Variants in MOB2 observed in about 807,000 individuals in gnomAD.
The protein encoded by MOB2 is MOB2 Mps One Binder homolog.
A neutral mutation model predicts 27.4 loss-of-function variants in MOB2; 14 were observed. The observed-to-expected ratio is 0.51, with a 90% confidence interval of 0.34 to 0.80. MOB2 has a LOEUF of 0.80. Ranked by LOEUF, MOB2 falls within the 30% of genes least tolerant of loss-of-function variation. The pLI, the probability that MOB2 is intolerant of heterozygous loss-of-function variation, is 0.01. For synonymous variants in MOB2, 167 were observed against 151.8 expected, an observed-to-expected ratio of 1.10 and a Z score of -0.74; for missense variants, 304 against 354.6, an observed-to-expected ratio of 0.86 and a Z score of 1.15.
intron 1 of MOB2, among the ~76,000 whole-genome samples, chr11:1,482,167 G>A (rs1039192736): frequency 6.6e-6 from 1 of 152,238 alleles, no homozygotes; most frequent in East Asian, 1.9e-4. Flanking sequence ...ATTTGGAGGG[G>A]TGGGTTGCAG....
chr11:1,472,861 G>C (rs1382474989), intron 3 of MOB2: 1 of 154,910 alleles, frequency 6.5e-6, no homozygotes, highest in Non-Finnish European at 1.4e-5. Flanking sequence ...CGGGCACAGG[G>C]CCTCCAGCAT....
intron 1 of MOB2, among the ~76,000 whole-genome samples, chr11:1,482,281 C>T (rs778250712): frequency 3.9e-5 from 6 of 152,250 alleles, no homozygotes; most frequent in Non-Finnish European, 8.8e-5. Flanking sequence ...TGGTCGGTCA[C>T]GCAGGGCTGC....
At chr11:1,480,626 G>A in intron 2 of MOB2, 99 bp downstream of exon 2, 1 of 1,521,742 alleles carries the variant, frequency 6.6e-7, no homozygotes, top group Non-Finnish European at 8.9e-7. Flanking sequence ...CCTCGCGGCA[G>A]GGGGCTGCTG....
At chr11:1,473,621 CT>C (rs1298707077) in intron 3 of MOB2, among the ~76,000 whole-genome samples, 1 of 152,240 alleles carries the variant, frequency 6.6e-6, no homozygotes, top group Non-Finnish European at 1.5e-5. Context: ...GACGGAAACC[CT>C]TTTCCACAAT....
intron 3 of MOB2, 143 bp downstream of exon 3, chr11:1,480,250 A>G: frequency 2.8e-6 from 2 of 710,324 alleles, no homozygotes; most frequent in Non-Finnish European, 4.6e-6. Context: ...AGGAAGGTGG[A>G]TGTTGTGGAA....
At chr11:1,480,679 A>T in intron 2 of MOB2, 46 bp downstream of exon 2, 1 of 1,584,946 alleles carries the variant, frequency 6.3e-7, no homozygotes, top group Non-Finnish European at 8.6e-7. Context: ...GGCTTCGAGG[A>T]GGAGCAGGGA....
intron 1 of MOB2, among the ~76,000 whole-genome samples, chr11:1,484,013 T>A (rs1300060095): frequency 6.6e-6 from 1 of 152,124 alleles, no homozygotes; most frequent in Non-Finnish European, 1.5e-5. Flanking sequence ...TCATCCGCCC[T>A]GAGGGACGAG....
intron 3 of MOB2, among the ~76,000 whole-genome samples, chr11:1,474,419 T>C (rs560606302): frequency 6.6e-6 from 1 of 152,342 alleles, no homozygotes; most frequent in Non-Finnish European, 1.5e-5. Context: ...TTTTGCTGCC[T>C]AGTGTCAGGT....
Position 1,475,875 on chromosome 11 carries a change from G to C in MOB2, c.366-4456C>G, listed in dbSNP as rs188667508. Among the ~76,000 whole-genome samples the C allele has an allele frequency of 1.8e-3, 276 of 152,344 alleles. 3 individuals carry two copies. The highest frequency in any genetic ancestry group is 0.01 in the Middle Eastern group (3 of 294). On this transcript the variant is annotated intron_variant, in intron 3 of 4. Transcript: ENST00000329957. ...ATCTTAGCAACCTCACACACAATCTGTTTCTTTCTAGTCAGGAACTTTCAC... is the reference window on the plus strand; with the variant it reads ...ATCTTAGCAACCTCACACACAATCTCTTTCTTTCTAGTCAGGAACTTTCAC...
rs761087135 is a variant in MOB2, at chr11:1,480,392, C to T, written c.365+1G>A. On this transcript the variant is annotated splice_donor_variant, in intron 3 of 4. Coordinates refer to ENST00000329957, the MANE Select transcript of MOB2 (RefSeq NM_001172223.3). LOFTEE classifies it high-confidence loss of function. ...GTGGGCTGTAGCCAGGCAGCACTCA[C>T]GTGTTGCACACGGCCATCGTCTGAC... 6.2e-7 allele frequency: 1 copy of T among 1,612,480 alleles called. No individual in the cohort carries two copies.
chr11:1,470,091 C>T lies in MOB2; in HGVS notation c.*81G>A. 1 of 1,545,692 alleles carries T rather than the reference C, an allele frequency of 6.5e-7. No homozygotes were observed. The highest frequency in any genetic ancestry group is 8.7e-7 in the Non-Finnish European group (1 of 1,146,948). Reference sequence around the variant, plus strand: ...GACCTCACCACACGCGTGCCCAGCACATGTGTGCACACGCAGATGCAGGAG... The same window carrying T: ...GACCTCACCACACGCGTGCCCAGCATATGTGTGCACACGCAGATGCAGGAG... On this transcript the variant is annotated 3_prime_UTR_variant, in exon 5 of 5. Coordinates refer to ENST00000329957, the MANE Select transcript of MOB2 (RefSeq NM_001172223.3).
At chr11:1,474,565 T>C (rs901556647) in intron 3 of MOB2, among the ~76,000 whole-genome samples, 4 of 152,254 alleles carry the variant, frequency 2.6e-5, no homozygotes, top group Non-Finnish European at 5.9e-5. Context: ...CAGACTACCC[T>C]TTCTCCCTTG....
chr11:1,470,623 C>T lies in MOB2; in HGVS notation c.491-135G>A, dbSNP rs187740547. 2.3e-4 allele frequency: 240 copies of T among 1,037,024 alleles called. 1 individual carries two copies. The East Asian group carries it at 4.9e-3, about 21-fold the overall frequency. 64.2% of individuals were successfully genotyped at this position (1,037,024 alleles called of 1,614,324 possible). A position where few individuals can be genotyped will look rare whatever the true frequency, so the allele number is the denominator to read the frequency against. On this transcript the variant is annotated intron_variant, in intron 4 of 4. Coordinates refer to ENST00000329957, the MANE Select transcript of MOB2 (RefSeq NM_001172223.3). ...CCTGCCACCCTCAGGGCCTACAAAG[C>T]CCCAGCAGCAACAGCTTCTGCCCAT...
chr11:1,480,903 G>A lies in MOB2; in HGVS notation c.111-18C>T, dbSNP rs757010970. ...TGGACTTCCTGCCAAGAGAGGAGAC[G>A]CGGTGTGGTCACTACACGCCCATCA... On this transcript the variant is annotated intron_variant, in intron 1 of 4. Transcript: ENST00000329957. The A allele has an allele frequency of 3.8e-5, 59 of 1,550,932 alleles. No individual in the cohort carries two copies. In the South Asian group the frequency reaches 4.6e-4, roughly 12 times the overall value.
intron 1 of MOB2, chr11:1,481,135 G>A (rs748701343): frequency 2.0e-5 from 13 of 635,116 alleles, no homozygotes; most frequent in East Asian, 3.1e-5. Context: ...CTTGCCACAC[G>A]GGCCCCTGCA....
In MOB2 at chr11:1,470,250, G is replaced by A. The variant is rs375587388; in HGVS notation, c.729C>T (p.Gly243=). The A allele has an allele frequency of 3.4e-5, 55 of 1,612,434 alleles. No homozygotes were observed. Among genetic ancestry groups the A allele is most frequent in the South Asian group, 3.3e-4 (30 of 91,084 alleles). The change falls in exon 5 of 5, where the codon GGC becomes GGT. Residue 243 remains glycine (G), a synonymous_variant. Coordinates refer to ENST00000329957, the MANE Select transcript of MOB2 (RefSeq NM_001172223.3). ...CCCCACTGCCCCCACTGTGGACCCC[G>A]CCGGCCCCGCTGCATAGCACCTCGG... ...DLTEVLCSGA[G]GVHSGGSGDG... is the part of the protein sequence containing the mutation.
Position 1,470,436 on chromosome 11 carries a change from G to C in MOB2, c.543C>G (p.His181Gln), listed in dbSNP as rs753530774. ...AGATGTGTGCCAGCACGTGGAACAG[G>C]TGTCTGCAGATCTTCCTCACCAGGG... ...FESLVRKICR[H>Q]LFHVLAHIYW... The change falls in exon 5 of 5, where the codon CAC becomes CAG. Residue 181 changes from histidine (H) to glutamine (Q), a missense_variant. By Grantham distance (24) the His-to-Gln change is conservative. Coordinates refer to ENST00000329957, the MANE Select transcript of MOB2 (RefSeq NM_001172223.3). The C allele has an allele frequency of 6.2e-7, 1 of 1,613,640 alleles. No individual in the cohort carries two copies. The highest frequency in any genetic ancestry group is 1.7e-5 in the Admixed American group (1 of 60,030).
At chr11:1,475,827 G>A (rs1258100359) in intron 3 of MOB2, among the ~76,000 whole-genome samples, 1 of 152,184 alleles carries the variant, frequency 6.6e-6, no homozygotes, top group African/African-American at 2.4e-5. Flanking sequence ...ATTTCATAAA[G>A]AAGAGATTTG....
chr11:1,480,714 C>T lies in MOB2; in HGVS notation c.271+11G>A, dbSNP rs545054961. On this transcript the variant is annotated intron_variant, in intron 2 of 4. Transcript: ENST00000329957. ...AGGAGGGAGGGGGCCCGCCCCCAGG[C>T]CCCCGCGCACTGTTGCTGGCCAGCC... 10 of 1,599,496 alleles carry T rather than the reference C, an allele frequency of 6.3e-6. No homozygotes were observed. The South Asian group carries it at 9.0e-5, about 14-fold the overall frequency.
Sources: allele counts gnomAD v4.1 joint callset (sites outside exome capture counted in the v4.1 genomes callset), GRCh38; gene constraint gnomAD v4.1.1; transcripts MANE v1.5; gene names NCBI Gene and HGNC (gene_info 2026-07-23, HGNC 2026-07-21).